Variants in FIG4 observed in about 807,000 individuals in gnomAD.
FIG4 encodes FIG4 phosphoinositide 5-phosphatase, also known as polyphosphoinositide phosphatase.
FIG4 carries 112 observed loss-of-function variants against 118.6 expected under a neutral mutation model. The ratio of observed to expected loss-of-function variants is 0.94; its 90% CI spans 0.81 to 1.11. FIG4 has a LOEUF of 1.11. Among genes scored for constraint, FIG4 ranks in the 50% least tolerant of loss-of-function variants. The probability of loss-of-function intolerance (pLI) is 0.00; values close to 1 mark genes in which losing one functional copy is unlikely to be tolerated. For synonymous variants in FIG4, 369 were observed against 381.2 expected (o/e 0.97, Z 0.37); for missense variants, 969 against 1,111.7 (o/e 0.87, Z 1.83).
chr6:109,734,133 A>G (rs1362597761), intron 5 of FIG4, among the ~76,000 whole-genome samples: 1 of 151,974 alleles, frequency 6.6e-6, no homozygotes, highest in East Asian at 1.9e-4. Context: ...GAAACAAATC[A>G]ATTTCAATCA....
At chr6:109,712,943 G>C (rs1280652440) in intron 1 of FIG4, among the ~76,000 whole-genome samples, 1 of 151,940 alleles carries the variant, frequency 6.6e-6, no homozygotes, top group Non-Finnish European at 1.5e-5. Context: ...TTAAGGGTTC[G>C]ATTGTGGGAT....
chr6:109,731,543 T>TA (rs1370935370), intron 4 of FIG4, among the ~76,000 whole-genome samples: 1 of 152,152 alleles, frequency 6.6e-6, no homozygotes, highest in Non-Finnish European at 1.5e-5. Context: ...AGATTGAAAA[T>TA]ACTTGAAAAA....
At chr6:109,815,066 A>G (rs1208062213) in intron 22 of FIG4, among the ~76,000 whole-genome samples, 5 of 152,244 alleles carry the variant, frequency 3.3e-5, no homozygotes, top group African/African-American at 1.2e-4. Context: ...ATTTAAATCC[A>G]TAAGTTCATA....
intron 22 of FIG4, among the ~76,000 whole-genome samples, chr6:109,799,288 A>T (rs1427165272): frequency 6.6e-6 from 1 of 152,262 alleles, no homozygotes; most frequent in African/African-American, 2.4e-5. Flanking sequence ...CATCTTCAGC[A>T]AGATAACAAA....
intron 3 of FIG4, among the ~76,000 whole-genome samples, chr6:109,719,572 T>C (rs1775544477): frequency 6.6e-6 from 1 of 152,096 alleles, no homozygotes; most frequent in Admixed American, 6.5e-5. Context: ...TTCTTTTTTT[T>C]TTTAGAGGTG....
intron 22 of FIG4, among the ~76,000 whole-genome samples, chr6:109,800,046 T>A (rs556180679): frequency 3.3e-5 from 5 of 152,144 alleles, no homozygotes; most frequent in Non-Finnish European, 7.3e-5. Flanking sequence ...ATAAAGTACA[T>A]CTTATTATCA....
Position 109,822,783 on chromosome 6 carries a change from GTATGTATATATA to G in FIG4, c.2547-2301_2547-2290del, listed in dbSNP as rs1163669238. 2.5e-4 allele frequency among the ~76,000 whole-genome samples: 30 copies of G among 120,670 alleles called. 2 individuals carry two copies. The highest frequency in any genetic ancestry group is 8.5e-3 in the Middle Eastern group (2 of 236). The allele number at this position is 120,670 out of a possible 152,430, so 79.2% of individuals were successfully genotyped here. A position where few individuals can be genotyped will look rare whatever the true frequency, so the allele number is the denominator to read the frequency against. On this transcript the variant is annotated intron_variant, in intron 22 of 22. Transcript: ENST00000230124. The stretch of plus-strand genomic sequence containing the variant: ...GAAGTGTATATATATGTGTGTGTGT[GTATGTATATATA>G]TATATATATATATATATATATATAT...
intron 15 of FIG4, among the ~76,000 whole-genome samples, chr6:109,773,492 A>G (rs1297359117): frequency 1.3e-5 from 2 of 152,266 alleles, no homozygotes; most frequent in East Asian, 3.9e-4. Context: ...CAGAAAACCT[A>G]GGAATTCTCC....
chr6:109,755,661 T>C lies in FIG4; in HGVS notation c.1138-4589T>C, dbSNP rs139125328. On this transcript the variant is annotated intron_variant, in intron 10 of 22. Transcript: ENST00000230124. ...ATATATTTAGGATAGTTAGCTCTTCTTGTTGAATTGATCCCTTACCATTAT... is the reference window on the plus strand; with the variant it reads ...ATATATTTAGGATAGTTAGCTCTTCCTGTTGAATTGATCCCTTACCATTAT... Among the ~76,000 whole-genome samples the C allele has an allele frequency of 5.8e-3, 885 of 152,358 alleles. 5 individuals are homozygous for C. Among genetic ancestry groups the C allele is most frequent in the African/African-American group, 0.02 (847 of 41,570 alleles).
chr6:109,792,565 T>C lies in FIG4; in HGVS notation c.2377-17T>C. The C allele has an allele frequency of 1.3e-6, 2 of 1,514,638 alleles. No individual in the cohort carries two copies. The highest frequency in any genetic ancestry group is 1.8e-6 in the Non-Finnish European group (2 of 1,094,064). 93.8% of individuals were successfully genotyped at this position (1,514,638 alleles called of 1,614,324 possible). Reference sequence around the variant, plus strand: ...AAAAATTCTTCCTGGTTCTTCTTTTTTTTTTTTAAACCCCAGAATGTGGTC... The same window carrying C: ...AAAAATTCTTCCTGGTTCTTCTTTTCTTTTTTTAAACCCCAGAATGTGGTC... On this transcript the variant is annotated splice_polypyrimidine_tract_variant and intron_variant, in intron 20 of 22. Coordinates refer to ENST00000230124, the MANE Select transcript of FIG4 (RefSeq NM_014845.6).
At chr6:109,788,934 T>G (rs919619515) in intron 18 of FIG4, among the ~76,000 whole-genome samples, 4 of 152,214 alleles carry the variant, frequency 2.6e-5, no homozygotes, top group African/African-American at 9.7e-5. Flanking sequence ...CTTTGCATAA[T>G]GTGGAAGCTT....
intron 10 of FIG4, among the ~76,000 whole-genome samples, chr6:109,753,372 A>G (rs1776773339): frequency 6.6e-6 from 1 of 151,826 alleles, no homozygotes; most frequent in South Asian, 2.1e-4. Flanking sequence ...GAAGTCAGGT[A>G]GCGTGATGCC....
At chr6:109,719,786 CTTTTG>C (rs1775551589) in intron 3 of FIG4, among the ~76,000 whole-genome samples, 1 of 151,918 alleles carries the variant, frequency 6.6e-6, no homozygotes, top group African/African-American at 2.4e-5. Flanking sequence ...CTGCTGGACT[CTTTTG>C]TTTTTTTTTA....
chr6:109,720,076 A>G (rs143092764), intron 3 of FIG4, among the ~76,000 whole-genome samples: 220 of 152,312 alleles, frequency 1.4e-3, no homozygotes, highest in Middle Eastern at 6.8e-3. Flanking sequence ...CTGTGCATGT[A>G]TGGTGAAGTC....
At position 109,743,677 on chromosome 6, in the gene FIG4, GATCAGGCA is replaced by G. The variant is rs1368013631; in HGVS notation, c.1043_1050del (p.Asp348GlyfsTer12). ...TTTTCATCTTTTTTCCTTCTCAGTG[GATCAGGCA>G]GATCCATTTGCACATGTGGCTGCCC... On this transcript the variant is annotated frameshift_variant, in exon 10 of 23. Coordinates refer to ENST00000230124, the MANE Select transcript of FIG4 (RefSeq NM_014845.6). LOFTEE classifies it high-confidence loss of function. 6.2e-7 allele frequency: 1 copy of G among 1,610,752 alleles called. No homozygotes were observed. The highest frequency in any genetic ancestry group is 8.5e-7 in the Non-Finnish European group (1 of 1,177,846).
At chr6:109,784,443 G>A (rs534991559) in intron 16 of FIG4, among the ~76,000 whole-genome samples, 7 of 152,322 alleles carry the variant, frequency 4.6e-5, no homozygotes, top group African/African-American at 4.8e-5. Context: ...GAACTTGTTC[G>A]TTAGGACTGT....
At chr6:109,805,385 A>G (rs1308191454) in intron 22 of FIG4, among the ~76,000 whole-genome samples, 2 of 152,182 alleles carry the variant, frequency 1.3e-5, no homozygotes, top group Non-Finnish European at 2.9e-5. Flanking sequence ...GCTCTAAAAG[A>G]GGATTTGCTT....
At chr6:109,720,917 G>A (rs1220750799) in intron 3 of FIG4, among the ~76,000 whole-genome samples, 2 of 152,156 alleles carry the variant, frequency 1.3e-5, no homozygotes, top group Non-Finnish European at 2.9e-5. Flanking sequence ...GGATGGGATC[G>A]TGAGCATCCA....
chr6:109,703,074 C>A (rs1459397940), intron 1 of FIG4, among the ~76,000 whole-genome samples: 1 of 151,212 alleles, frequency 6.6e-6, no homozygotes, highest in Non-Finnish European at 1.5e-5. Flanking sequence ...TTAATTACTT[C>A]ATGAGAAAGG....
Sources: gnomAD v4.1 joint callset for allele counts (sites outside exome capture counted in the v4.1 genomes callset) on GRCh38, gnomAD v4.1.1 for gene constraint, MANE v1.5 for transcripts, NCBI Gene and HGNC (gene_info 2026-07-23, HGNC 2026-07-21) for gene names.